The following PDE1C variants were observed in gnomAD, a reference collection of about 807,000 sequenced individuals.
PDE1C encodes the protein dual specificity calcium/calmodulin-dependent 3',5'-cyclic nucleotide phosphodiesterase 1C.
In PDE1C, 62 loss-of-function variants were observed where a neutral mutation model predicts 93.1. That is an observed-to-expected ratio of 0.67 (90% confidence interval 0.54 to 0.82). The LOEUF is 0.82. Among genes scored for constraint, PDE1C ranks in the 40% least tolerant of loss-of-function variants. The pLI, the probability that PDE1C is intolerant of heterozygous loss-of-function variation, is 0.00. For synonymous variants in PDE1C, 325 were observed against 310.1 expected (o/e 1.05, Z -0.50); for missense variants, 742 against 884.6 (o/e 0.84, Z 2.04).
At chr7:32,201,910 G>A (rs1234469806) in intron 2 of PDE1C, among the ~76,000 whole-genome samples, 1 of 152,202 alleles carries the variant, frequency 6.6e-6, no homozygotes, top group Non-Finnish European at 1.5e-5. Context: ...AGAAAAAGGA[G>A]GAGGAGGAGC....
chr7:31,991,979 A>G (rs570792162), intron 2 of PDE1C, among the ~76,000 whole-genome samples: 1 of 152,282 alleles, frequency 6.6e-6, no homozygotes, highest in African/African-American at 2.4e-5. Context: ...GCGGGTTCCT[A>G]TTGGTTCCAG....
chr7:32,357,684 G>A (rs1784058974), intron 1 of PDE1C, among the ~76,000 whole-genome samples: 1 of 152,214 alleles, frequency 6.6e-6, no homozygotes, highest in African/African-American at 2.4e-5. Context: ...CCTACCTGGA[G>A]ATGATTTTCA....
intron 3 of PDE1C, among the ~76,000 whole-genome samples, chr7:32,084,351 G>C (rs990607392): frequency 6.7e-6 from 1 of 150,374 alleles, no homozygotes; most frequent in Non-Finnish European, 1.5e-5. Flanking sequence ...GATTCATAAA[G>C]CAAGTCCTGA....
intron 7 of PDE1C, 55 bp from the exon 8 acceptor site, chr7:31,850,796 G>C (rs896207205): frequency 1.5e-6 from 2 of 1,315,398 alleles, no homozygotes; most frequent in African/African-American, 1.4e-5. Flanking sequence ...AAAGTCTTCA[G>C]CTTGCTGACA....
chr7:31,861,684 A>G (rs1177517033), intron 7 of PDE1C, among the ~76,000 whole-genome samples: 1 of 152,098 alleles, frequency 6.6e-6, no homozygotes, highest in Non-Finnish European at 1.5e-5. Flanking sequence ...TGTCTCAGAA[A>G]CAGCACTTTC....
rs527411672 is a variant in PDE1C, at chr7:32,420,909, T to A, written c.310+6913A>T. ...TCTCAGCCATTCCACAAAAATCAAA[T>A]CAGTGTCTGATGTGTGCATGCTGTT... On this transcript the variant is annotated intron_variant, in intron 1 of 1. Coordinates refer to the PDE1C transcript ENST00000672256. 8.5e-5 allele frequency among the ~76,000 whole-genome samples: 13 copies of A among 152,134 alleles called. No homozygotes were observed. In the South Asian group the frequency reaches 2.5e-3, roughly 29 times the overall value.
At chr7:32,306,048 C>T (rs911180282) in intron 1 of PDE1C, among the ~76,000 whole-genome samples, 5 of 152,134 alleles carry the variant, frequency 3.3e-5, no homozygotes, top group Non-Finnish European at 7.4e-5. Context: ...ATAAGTCTCA[C>T]GAGATCTGAT....
chr7:31,767,758 T>C (rs1351685249), intron 17 of PDE1C, among the ~76,000 whole-genome samples: 2 of 152,206 alleles, frequency 1.3e-5, no homozygotes, highest in African/African-American at 4.8e-5. Flanking sequence ...TCCAGCACAG[T>C]TGGCTTCCAG....
At chr7:31,765,616 G>T (rs966090607) in intron 17 of PDE1C, among the ~76,000 whole-genome samples, 5 of 152,182 alleles carry the variant, frequency 3.3e-5, no homozygotes, top group Non-Finnish European at 7.3e-5. Context: ...TAGAGCTCCT[G>T]CATAACAAAG....
At chr7:31,743,561 G>A in the PDE1C span, among the ~76,000 whole-genome samples, 2 of 149,770 alleles carry the variant, frequency 1.3e-5, no homozygotes, top group Admixed American at 1.3e-4. Flanking sequence ...GATGCAGTGT[G>A]TGTGTGTGTG....
intron 1 of PDE1C, among the ~76,000 whole-genome samples, chr7:32,212,166 G>A (rs965013348): frequency 2.0e-5 from 3 of 151,930 alleles, no homozygotes; most frequent in African/African-American, 7.3e-5. Context: ...TGAGAACACA[G>A]GCAACCACCT....
At chr7:32,123,320 C>A (rs541515156) in intron 3 of PDE1C, among the ~76,000 whole-genome samples, 1 of 152,090 alleles carries the variant, frequency 6.6e-6, no homozygotes, top group South Asian at 2.1e-4. Flanking sequence ...TGAAACTATT[C>A]CAAACAACTA....
chr7:31,830,870 T>C (rs1266201324), intron 11 of PDE1C, among the ~76,000 whole-genome samples: 1 of 152,204 alleles, frequency 6.6e-6, no homozygotes, highest in East Asian at 1.9e-4. Flanking sequence ...TTGCTTATCA[T>C]AGAACCATCT....
rs147532774 is a variant in PDE1C, at chr7:32,171,110, G to A, written c.137-1154C>T. ...CACCAGTGCTTCCCCAGATGGCCCC[G>A]TAACATGACATGGAAGCCCTCTCCT... On this transcript the variant is annotated intron_variant, in intron 2 of 18. Transcript: ENST00000396193. Among the ~76,000 whole-genome samples the A allele has an allele frequency of 1.0e-2, 1,520 of 152,228 alleles. 28 individuals carry two copies. The highest frequency in any genetic ancestry group is 0.034 in the African/African-American group (1,428 of 41,516).
chr7:31,721,216 A>C, the PDE1C span, among the ~76,000 whole-genome samples: 1 of 152,352 alleles, frequency 6.6e-6, no homozygotes, highest in Non-Finnish European at 1.5e-5. Context: ...GATTATGTTC[A>C]CCATTCAGAA....
intron 3 of PDE1C, among the ~76,000 whole-genome samples, chr7:32,134,287 T>C (rs1800083742): frequency 1.3e-5 from 2 of 152,090 alleles, no homozygotes. Flanking sequence ...ATGTACAGAT[T>C]CAGGAAGTTT....
intron 1 of PDE1C, among the ~76,000 whole-genome samples, chr7:32,337,582 A>G (rs974090227): frequency 6.6e-6 from 1 of 152,220 alleles, no homozygotes; most frequent in Non-Finnish European, 1.5e-5. Context: ...CCTATTAGAT[A>G]TCTGACTACA....
the PDE1C span, among the ~76,000 whole-genome samples, chr7:31,662,193 G>A: frequency 3.9e-5 from 6 of 152,198 alleles, no homozygotes; most frequent in Non-Finnish European, 7.3e-5. Flanking sequence ...ATATGGTCCT[G>A]CTGGTACTAA....
chr7:31,649,835 G>T, the PDE1C span, among the ~76,000 whole-genome samples: 2 of 152,156 alleles, frequency 1.3e-5, no homozygotes, highest in Non-Finnish European at 2.9e-5. Flanking sequence ...AAGGTAAATA[G>T]CTTTAGTTAA....
Sources: allele counts gnomAD v4.1 joint callset (sites outside exome capture counted in the v4.1 genomes callset), GRCh38; gene constraint gnomAD v4.1.1; transcripts MANE v1.5; gene names NCBI Gene and HGNC (gene_info 2026-07-23, HGNC 2026-07-21).